Variants in CSTF3 observed in about 807,000 individuals in gnomAD.
The protein encoded by CSTF3 is CF-1 77 kDa subunit.
Under a neutral mutation model 105.8 loss-of-function variants are expected in CSTF3, and 29 were observed. That is an observed-to-expected ratio of 0.27 (90% CI 0.20 to 0.37). The LOEUF (loss-of-function observed/expected upper bound fraction) is 0.37, where lower values mean the gene tolerates loss of function less well. Among genes scored for constraint, CSTF3 ranks in the 10% least tolerant of loss-of-function variants. CSTF3 has a pLI of 1.00. For missense variants in CSTF3, 357 were observed against 879.3 expected (o/e 0.41, Z 7.51); for synonymous variants, 252 against 281.9 (o/e 0.89, Z 1.06).
intron 1 of CSTF3, among the ~76,000 whole-genome samples, chr11:33,149,141 C>CA (rs1855824697): frequency 1.3e-5 from 2 of 152,176 alleles, no homozygotes; most frequent in African/African-American, 4.8e-5. Context: ...TGCTCAATTT[C>CA]AGTTAGCGAT....
chr11:33,124,317 T>TA (rs2133788846), intron 3 of CSTF3, among the ~76,000 whole-genome samples: 1 of 152,182 alleles, frequency 6.6e-6, no homozygotes, highest in South Asian at 2.1e-4. Context: ...GACACTGGCG[T>TA]AACTCAAGAT....
intron 1 of CSTF3, among the ~76,000 whole-genome samples, chr11:33,150,409 C>G (rs887419442): frequency 1.3e-5 from 2 of 152,054 alleles, no homozygotes; most frequent in Non-Finnish European, 2.9e-5. Context: ...ATCCTAATAT[C>G]ATTTTTCAGG....
intron 3 of CSTF3, among the ~76,000 whole-genome samples, chr11:33,120,839 G>T (rs1277316965): frequency 6.6e-6 from 1 of 151,906 alleles, no homozygotes; most frequent in Non-Finnish European, 1.5e-5. Flanking sequence ...AAATGTAAAT[G>T]TATAACTTTT....
intron 3 of CSTF3, among the ~76,000 whole-genome samples, chr11:33,128,000 A>G (rs969315705): frequency 4.6e-5 from 7 of 152,214 alleles, no homozygotes; most frequent in African/African-American, 1.7e-4. Flanking sequence ...AAAAATTCAT[A>G]TAAAATAAGC....
Position 33,098,671 on chromosome 11 carries a change from G to A in CSTF3, c.1128+19C>T. On this transcript the variant is annotated intron_variant, in intron 13 of 20. Coordinates refer to ENST00000323959, the MANE Select transcript of CSTF3 (RefSeq NM_001326.3). ...ATAAGACTGTAAAGGTGGAAAAAAAGATTTGTAAAGTTACTCACCAAGGTA... is the reference window on the plus strand; with the variant it reads ...ATAAGACTGTAAAGGTGGAAAAAAAAATTTGTAAAGTTACTCACCAAGGTA... 6.7e-7 allele frequency: 1 copy of A among 1,498,122 alleles called. No homozygotes were observed. Among genetic ancestry groups the A allele is most frequent in the East Asian group, 2.3e-5 (1 of 43,016 alleles). 92.8% of individuals were successfully genotyped at this position (1,498,122 alleles called of 1,614,324 possible).
At chr11:33,137,969 C>T (rs1256938954) in intron 3 of CSTF3, among the ~76,000 whole-genome samples, 1 of 151,740 alleles carries the variant, frequency 6.6e-6, no homozygotes, top group African/African-American at 2.4e-5. Flanking sequence ...ACTCATGTTG[C>T]ATCCTGAGTT....
At chr11:33,095,603 C>T (rs1161598023) in intron 15 of CSTF3, among the ~76,000 whole-genome samples, 5 of 151,680 alleles carry the variant, frequency 3.3e-5, no homozygotes, top group Admixed American at 2.6e-4. Flanking sequence ...GGGCGGATCA[C>T]GAGGTCAGGA....
chr11:33,098,634 AT>A (rs1855248669), intron 13 of CSTF3, 55 bp downstream of exon 13: 2 of 1,018,696 alleles, frequency 2.0e-6, no homozygotes, highest in Admixed American at 2.1e-5. Flanking sequence ...AATTTAAATT[AT>A]TTTTTGTTAG....
At chr11:33,151,453 T>C (rs1233957608) in intron 1 of CSTF3, among the ~76,000 whole-genome samples, 4 of 152,206 alleles carry the variant, frequency 2.6e-5, no homozygotes, top group Non-Finnish European at 5.9e-5. Flanking sequence ...CTCAAAGTGT[T>C]GGGATTACCA....
At position 33,098,838 on chromosome 11, in the gene CSTF3, A is replaced by G. The variant is rs979837709; in HGVS notation, c.1054-74T>C. ...CAGGATTTGAGCTCCAAGGAATCCA[A>G]AGGCTATAACCTCCCACCCCCAATG... On this transcript the variant is annotated intron_variant, in intron 12 of 20. Coordinates refer to ENST00000323959, the MANE Select transcript of CSTF3 (RefSeq NM_001326.3). 2.3e-6 allele frequency: 3 copies of G among 1,288,202 alleles called. No homozygotes were observed. The African/African-American group carries it at 4.6e-5, about 20-fold the overall frequency. The allele number at this position is 1,288,202 out of a possible 1,614,324, so 79.8% of individuals were successfully genotyped here. A position where few individuals can be genotyped will look rare whatever the true frequency, so the allele number is the denominator to read the frequency against.
chr11:33,154,245 C>G (rs1849828314), intron 1 of CSTF3, among the ~76,000 whole-genome samples: 1 of 152,062 alleles, frequency 6.6e-6, no homozygotes, highest in African/African-American at 2.4e-5. Context: ...CTAATTATGA[C>G]ATAAATGGGC....
At position 33,099,652 on chromosome 11, in the gene CSTF3, C is replaced by T; in HGVS notation, c.892G>A (p.Ala298Thr). The change falls in exon 11 of 21, where the codon GCC becomes ACC. Residue 298 changes from alanine to threonine, a missense_variant. By Grantham distance (58) the Ala-to-Thr change is moderately conservative. Around this residue, in one of 4 missense-constraint regions of CSTF3, gnomAD observed 206 missense variants for 576.5 expected, o/e 0.36. Coordinates refer to ENST00000323959, the MANE Select transcript of CSTF3 (RefSeq NM_001326.3). This position sits in a 1 kb window ranked among gnomAD's most constrained non-coding sequence, Gnocchi z 4.1. ...GHHPDIWYEA[A>T]QYLEQSSKLL... Reference sequence around the variant, plus strand: ...TTACTTGACTGCTCAAGATACTGGGCAGCTTCATACCAAATATCAGGGTGA... The same window carrying T: ...TTACTTGACTGCTCAAGATACTGGGTAGCTTCATACCAAATATCAGGGTGA... 1 of 1,612,260 alleles carries T rather than the reference C, an allele frequency of 6.2e-7. No homozygotes were observed. Among genetic ancestry groups the T allele is most frequent in the Non-Finnish European group, 8.5e-7 (1 of 1,179,206 alleles).
At chr11:33,133,175 C>T (rs1390884873) in intron 3 of CSTF3, among the ~76,000 whole-genome samples, 2 of 151,954 alleles carry the variant, frequency 1.3e-5, no homozygotes, top group Non-Finnish European at 2.9e-5. Context: ...TTTTCAAACA[C>T]AATAAAGTTT....
At chr11:33,116,214 C>CT (rs1443807596) in intron 3 of CSTF3, among the ~76,000 whole-genome samples, 1 of 152,180 alleles carries the variant, frequency 6.6e-6, no homozygotes, top group Non-Finnish European at 1.5e-5. Context: ...TAGTCTTCCA[C>CT]TTTCCCAAGC....
chr11:33,099,781 G>T lies in CSTF3; in HGVS notation c.827-64C>A. 1 of 1,060,270 alleles carries T rather than the reference G, an allele frequency of 9.4e-7. No individual in the cohort carries two copies. Among genetic ancestry groups the T allele is most frequent in the Non-Finnish European group, 1.3e-6 (1 of 745,798 alleles). The allele number at this position is 1,060,270 out of a possible 1,614,324, so 65.7% of individuals were successfully genotyped here. ...AATTATTATTTGTAAAACTATCAATGTAAATATCATAACCAAATTAGGCTC... is the reference window on the plus strand; with the variant it reads ...AATTATTATTTGTAAAACTATCAATTTAAATATCATAACCAAATTAGGCTC... On this transcript the variant is annotated intron_variant, in intron 10 of 20. Transcript: ENST00000323959. The surrounding 1 kb of genome is among the most constrained non-coding windows in gnomAD (Gnocchi z 4.1).
intron 1 of CSTF3, among the ~76,000 whole-genome samples, chr11:33,146,795 T>C (rs545992332): frequency 2.0e-5 from 3 of 152,168 alleles, no homozygotes; most frequent in South Asian, 4.1e-4. Flanking sequence ...GTGTCAGACA[T>C]TGTAGTGGCC....
intron 1 of CSTF3, among the ~76,000 whole-genome samples, chr11:33,155,646 T>C (rs1320472581): frequency 6.6e-6 from 1 of 152,168 alleles, no homozygotes; most frequent in Non-Finnish European, 1.5e-5. Context: ...TCTGATTTTA[T>C]TCAATATTTA....
intron 3 of CSTF3, among the ~76,000 whole-genome samples, chr11:33,122,914 CA>C (rs10600978): frequency 0.21 from 17,415 of 84,172 alleles, 895 homozygotes; most frequent in East Asian, 0.36. Flanking sequence ...TATCCTGTCT[CA>C]AAAAAAAAAA....
At position 33,099,005 on chromosome 11, in the gene CSTF3, A is replaced by G; in HGVS notation, c.1053+29T>C. Reference sequence around the variant, plus strand: ...CAGTCCTGCACTAAAAAATTGAATTATAAGAAGGCTCTAAACATTTTTACT... The same window carrying G: ...CAGTCCTGCACTAAAAAATTGAATTGTAAGAAGGCTCTAAACATTTTTACT... On this transcript the variant is annotated intron_variant, in intron 12 of 20. Coordinates refer to ENST00000323959, the MANE Select transcript of CSTF3 (RefSeq NM_001326.3). This position sits in a 1 kb window ranked among gnomAD's most constrained non-coding sequence, Gnocchi z 4.1. The G allele has an allele frequency of 7.1e-6, 11 of 1,552,982 alleles. No individual in the cohort carries two copies. Among genetic ancestry groups the G allele is most frequent in the Non-Finnish European group, 9.5e-6 (11 of 1,161,504 alleles).
Sources: allele counts gnomAD v4.1 joint callset (sites outside exome capture counted in the v4.1 genomes callset), GRCh38; gene constraint gnomAD v4.1.1; regional missense constraint gnomAD v4.1.1; non-coding constraint Gnocchi (gnomAD v3.1); transcripts MANE v1.5; gene names NCBI Gene and HGNC (gene_info 2026-07-23, HGNC 2026-07-21).